KAZN: variants seen among roughly 807,000 people sequenced by gnomAD.
The protein encoded by KAZN is kazrin.
KAZN carries 40 observed loss-of-function variants against 87.4 expected under a neutral mutation model. The ratio of observed to expected loss-of-function variants is 0.46; its 90% CI spans 0.36 to 0.60. The LOEUF (loss-of-function observed/expected upper bound fraction) is 0.60, where lower values mean the gene tolerates loss of function less well. Ranked by LOEUF, KAZN falls within the 20% of genes least tolerant of loss-of-function variation. The pLI is 0.00. For synonymous variants in KAZN, 466 were observed against 458.3 expected (o/e 1.02, Z -0.22); for missense variants, 898 against 1,073.9 (o/e 0.84, Z 2.29).
intron 1 of KAZN, among the ~76,000 whole-genome samples, chr1:14,034,168 A>G (rs1051540856): frequency 6.6e-6 from 1 of 152,246 alleles, no homozygotes; most frequent in Admixed American, 6.5e-5. Flanking sequence ...AGCCTGTATC[A>G]GGTGGCTATA....
rs114148279 is a variant in KAZN at position 14,400,883 on chromosome 1, C to T, written c.250-198100C>T. Among the ~76,000 whole-genome samples the T allele has an allele frequency of 3.9e-3, 598 of 152,296 alleles. 3 individuals are homozygous for T. Among genetic ancestry groups the T allele is most frequent in the African/African-American group, 0.014 (569 of 41,578 alleles). ...AGTTTTTTCATGACATTCCTATCTG[C>T]CGTGTGTGTATGTGCATGGGTGTGT... On this transcript the variant is annotated intron_variant, in intron 2 of 16. Coordinates refer to the KAZN transcript ENST00000636203.
chr1:15,016,677 A>G (rs1670142220), intron 2 of KAZN, among the ~76,000 whole-genome samples: 1 of 152,192 alleles, frequency 6.6e-6, no homozygotes, highest in Admixed American at 6.5e-5. Context: ...ACTTCCCTGC[A>G]GGGAAACCCA....
intron 1 of KAZN, among the ~76,000 whole-genome samples, chr1:14,649,031 A>G (rs922070913): frequency 2.0e-5 from 3 of 152,208 alleles, no homozygotes; most frequent in South Asian, 2.1e-4. Context: ...GATTTCCCAA[A>G]CCACTTGGAA....
intron 2 of KAZN, among the ~76,000 whole-genome samples, chr1:14,475,529 C>A (rs1057184680): frequency 6.6e-6 from 1 of 152,172 alleles, no homozygotes; most frequent in Non-Finnish European, 1.5e-5. Flanking sequence ...TTACACTGCT[C>A]AGACTCAGAG....
intron 2 of KAZN, among the ~76,000 whole-genome samples, chr1:14,376,363 A>T (rs1212324198): frequency 6.6e-6 from 1 of 152,182 alleles, no homozygotes; most frequent in Non-Finnish European, 1.5e-5. Flanking sequence ...TAACTAGGTT[A>T]TAAGGGGTCT....
intron 1 of KAZN, among the ~76,000 whole-genome samples, chr1:14,861,909 T>C (rs1359890538): frequency 4.6e-5 from 7 of 152,200 alleles, no homozygotes; most frequent in Non-Finnish European, 1.0e-4. Context: ...AGCCAAGTAA[T>C]GCTGAAAGGG....
chr1:14,043,309 A>G (rs1359256844), intron 1 of KAZN, among the ~76,000 whole-genome samples: 1 of 152,208 alleles, frequency 6.6e-6, no homozygotes, highest in Admixed American at 6.5e-5. Flanking sequence ...GCTTGTATAT[A>G]TAGACCAATT....
Position 14,680,365 on chromosome 1 carries a change from A to G in KAZN, c.226+81142A>G, listed in dbSNP as rs537911873. 2.1e-4 allele frequency among the ~76,000 whole-genome samples: 32 copies of G among 152,208 alleles called. 1 individual carries two copies. Among genetic ancestry groups the G allele is most frequent in the Middle Eastern group, 3.4e-3 (1 of 294 alleles). ...CTATGGCTCTGAGTTCTATCAGTATAGATTAGTTTTGCCTGATCTAGAACT... is the reference window on the plus strand; with the variant it reads ...CTATGGCTCTGAGTTCTATCAGTATGGATTAGTTTTGCCTGATCTAGAACT... On this transcript the variant is annotated intron_variant, in intron 1 of 14. Transcript: ENST00000376030.
At chr1:15,051,663 G>A (rs1674420631) in intron 4 of KAZN, among the ~76,000 whole-genome samples, 1 of 152,232 alleles carries the variant, frequency 6.6e-6, no homozygotes, top group African/African-American at 2.4e-5. Flanking sequence ...GGAGAGGTGT[G>A]GAGCCTACCT....
intron 2 of KAZN, among the ~76,000 whole-genome samples, chr1:14,983,362 C>T (rs1666452756): frequency 6.6e-6 from 1 of 152,142 alleles, no homozygotes. Context: ...TTCAGGCAGT[C>T]ATCGAAAACG....
intron 1 of KAZN, among the ~76,000 whole-genome samples, chr1:14,783,609 A>G (rs1048881750): frequency 6.6e-6 from 1 of 152,228 alleles, no homozygotes; most frequent in Non-Finnish European, 1.5e-5. Context: ...AGAAAGTGCT[A>G]AGAAATGATC....
At chr1:14,240,475 C>G (rs977086938) in intron 2 of KAZN, among the ~76,000 whole-genome samples, 3 of 152,202 alleles carry the variant, frequency 2.0e-5, no homozygotes, top group Non-Finnish European at 2.9e-5. Context: ...GGGCCTTGCT[C>G]AGTTCCTCTT....
chr1:13,899,491 A>G (rs1639164675), intron 1 of KAZN, among the ~76,000 whole-genome samples: 2 of 152,152 alleles, frequency 1.3e-5, no homozygotes, highest in Non-Finnish European at 2.9e-5. Flanking sequence ...GTGCCAGCAA[A>G]TGACTGTTTG....
At position 14,056,168 on chromosome 1, in the gene KAZN, A is replaced by G. The variant is rs185664325; in HGVS notation, c.92-124267A>G. On this transcript the variant is annotated intron_variant, in intron 1 of 16. Coordinates refer to the KAZN transcript ENST00000636203. ...TTTGCCCAACTGTGGTTGGCAGAAT[A>G]CTGTCCCTCAAAGATGTCCACCTCT... Among the ~76,000 whole-genome samples, 3 of 152,328 alleles carry G rather than the reference A, an allele frequency of 2.0e-5. No individual in the cohort carries two copies. The East Asian group carries it at 5.8e-4, about 29-fold the overall frequency.
chr1:14,622,903 T>C (rs1678825518), intron 1 of KAZN, among the ~76,000 whole-genome samples: 1 of 150,306 alleles, frequency 6.7e-6, no homozygotes, highest in Non-Finnish European at 1.5e-5. Context: ...TTGCTCAACT[T>C]CTTTGGGTAT....
intron 2 of KAZN, among the ~76,000 whole-genome samples, chr1:14,429,951 C>T (rs1435295922): frequency 2.6e-5 from 4 of 152,078 alleles, no homozygotes; most frequent in Non-Finnish European, 4.4e-5. Flanking sequence ...CCTGTCCCTG[C>T]ATCTCCTGAC....
At chr1:15,103,492 T>C (rs1273620653) in intron 12 of KAZN, 32 bp downstream of exon 12, 1 of 1,410,566 alleles carries the variant, frequency 7.1e-7, no homozygotes, top group Non-Finnish European at 9.8e-7. Flanking sequence ...GGGGTGACTC[T>C]CGGGCATACA....
At chr1:14,256,634 C>A (rs561765563) in intron 2 of KAZN, among the ~76,000 whole-genome samples, 2 of 152,260 alleles carry the variant, frequency 1.3e-5, no homozygotes, top group African/African-American at 4.8e-5. Flanking sequence ...CTTCTCGGAG[C>A]CCATCCCTTC....
intron 1 of KAZN, among the ~76,000 whole-genome samples, chr1:14,759,813 T>C (rs1164497766): frequency 6.6e-6 from 1 of 152,146 alleles, no homozygotes; most frequent in African/African-American, 2.4e-5. Flanking sequence ...TAGCAGACAA[T>C]ACCGTCCAGA....
Sources: gnomAD v4.1 joint callset for allele counts (sites outside exome capture counted in the v4.1 genomes callset) on GRCh38, gnomAD v4.1.1 for gene constraint, MANE v1.5 for transcripts, NCBI Gene and HGNC (gene_info 2026-07-23, HGNC 2026-07-21) for gene names.